The following PDE3A variants were observed in gnomAD, a reference collection of about 807,000 sequenced individuals.
The protein encoded by PDE3A is cGMP-inhibited 3',5'-cyclic phosphodiesterase 3A.
PDE3A carries 43 observed loss-of-function variants against 98.3 expected under a neutral mutation model. That is an observed-to-expected ratio of 0.44 (90% CI 0.34 to 0.56). The LOEUF (loss-of-function observed/expected upper bound fraction) is 0.56, where lower values mean the gene tolerates loss of function less well. PDE3A is among the 20% of genes least tolerant of loss of function. The probability of loss-of-function intolerance (pLI) is 0.01; values close to 1 mark genes in which losing one functional copy is unlikely to be tolerated. For missense variants in PDE3A, 1,427 were observed against 1,440.7 expected, an observed-to-expected ratio of 0.99 and a Z score of 0.15; for synonymous variants, 663 against 567.9, an observed-to-expected ratio of 1.17 and a Z score of -2.38.
intron 15 of PDE3A, among the ~76,000 whole-genome samples, chr12:20,672,487 G>T (rs1047710161): frequency 6.6e-6 from 1 of 151,722 alleles, no homozygotes; most frequent in Non-Finnish European, 1.5e-5. Context: ...CATGGTACTG[G>T]TACCAAAACA....
At chr12:20,530,229 C>T (rs1450507147) in intron 1 of PDE3A, among the ~76,000 whole-genome samples, 1 of 152,128 alleles carries the variant, frequency 6.6e-6, no homozygotes, top group African/African-American at 2.4e-5. Context: ...AGCGTAAACA[C>T]TCAAACTATA....
chr12:20,401,712 C>G (rs934287627), intron 1 of PDE3A, among the ~76,000 whole-genome samples: 1 of 152,146 alleles, frequency 6.6e-6, no homozygotes, highest in Admixed American at 6.5e-5. Context: ...CTCCATAGCG[C>G]TGTATCTATT....
intron 1 of PDE3A, among the ~76,000 whole-genome samples, chr12:20,477,304 A>G (rs1243642325): frequency 1.3e-5 from 2 of 152,254 alleles, no homozygotes; most frequent in Admixed American, 6.5e-5. Flanking sequence ...ATATTTTACC[A>G]TAAGTACTTC....
intron 1 of PDE3A, among the ~76,000 whole-genome samples, chr12:20,526,122 C>T: frequency 6.6e-6 from 1 of 152,158 alleles, no homozygotes; most frequent in East Asian, 1.9e-4. Context: ...TTGTTTGAGA[C>T]CTCTGTGGTG....
At chr12:20,530,616 T>C (rs764271987) in intron 1 of PDE3A, among the ~76,000 whole-genome samples, 2 of 152,034 alleles carry the variant, frequency 1.3e-5, no homozygotes, top group Non-Finnish European at 2.9e-5. Flanking sequence ...TATAGGTGTA[T>C]GCCATCACGC....
chr12:20,551,691 C>T (rs1942205729), intron 1 of PDE3A: 18 of 1,611,356 alleles, frequency 1.1e-5, no homozygotes, highest in Non-Finnish European at 1.4e-5. Context: ...GTGTTCCCAG[C>T]GAGGACGAGT....
Position 20,422,073 on chromosome 12 carries a change from G to A in PDE3A, c.960+51829G>A, listed in dbSNP as rs140233811. 3.3e-4 allele frequency among the ~76,000 whole-genome samples: 50 copies of A among 152,304 alleles called. 2 individuals carry two copies. The East Asian group carries it at 7.9e-3, about 24-fold the overall frequency. On this transcript the variant is annotated intron_variant, in intron 1 of 15. Transcript: ENST00000359062. ...AAAATTTTAGGGCGGCAGGCCGGGCGCAATGGCTCACGCCTGTAATCCTAG... is the reference window on the plus strand; with the variant it reads ...AAAATTTTAGGGCGGCAGGCCGGGCACAATGGCTCACGCCTGTAATCCTAG...
At chr12:20,408,078 G>C (rs944802950) in intron 1 of PDE3A, among the ~76,000 whole-genome samples, 1 of 151,864 alleles carries the variant, frequency 6.6e-6, no homozygotes, top group Admixed American at 6.6e-5. Context: ...GCGCCACCAC[G>C]CCCAGCTAAT....
At chr12:20,561,670 G>T (rs991224166) in intron 2 of PDE3A, among the ~76,000 whole-genome samples, 3 of 151,966 alleles carry the variant, frequency 2.0e-5, no homozygotes, top group Non-Finnish European at 4.4e-5. Context: ...ATAGAGTTAA[G>T]CTTCCCCTGG....
Position 20,671,482 on chromosome 12 carries a change from A to G in PDE3A, c.3185-8548A>G, listed in dbSNP as rs1335634154. 5.0e-5 allele frequency among the ~76,000 whole-genome samples: 5 copies of G among 100,228 alleles called. No individual in the cohort carries two copies. In the South Asian group the frequency reaches 1.4e-3, roughly 28 times the overall value. The allele number at this position is 100,228 out of a possible 152,430, so 65.8% of individuals were successfully genotyped here. On this transcript the variant is annotated intron_variant, in intron 15 of 15. Coordinates refer to ENST00000359062, the MANE Select transcript of PDE3A (RefSeq NM_000921.5). ...ACTGGCAAACTGAATCCAGCAGCACATCAAAAAGCTTATCCACAATGATCA... is the reference window on the plus strand; with the variant it reads ...ACTGGCAAACTGAATCCAGCAGCACGTCAAAAAGCTTATCCACAATGATCA...
chr12:20,566,355 G>T (rs1942655324), intron 2 of PDE3A, among the ~76,000 whole-genome samples: 1 of 151,900 alleles, frequency 6.6e-6, no homozygotes, highest in South Asian at 2.1e-4. Flanking sequence ...GAGTTCTGTG[G>T]TGTTGTGTTT....
At chr12:20,638,829 C>T (rs1944579381) in intron 9 of PDE3A, among the ~76,000 whole-genome samples, 1 of 151,962 alleles carries the variant, frequency 6.6e-6, no homozygotes, top group Admixed American at 6.6e-5. Context: ...CTCTCGAAAA[C>T]TTAATCTTCA....
intron 2 of PDE3A, among the ~76,000 whole-genome samples, chr12:20,589,875 A>G (rs1288304912): frequency 6.6e-6 from 1 of 151,672 alleles, no homozygotes. Flanking sequence ...TCTTAAAAAA[A>G]AAAAAAAAAA....
At chr12:20,417,365 T>G (rs1193420519) in intron 1 of PDE3A, among the ~76,000 whole-genome samples, 1 of 152,214 alleles carries the variant, frequency 6.6e-6, no homozygotes, top group African/African-American at 2.4e-5. Flanking sequence ...GGAAACAGAT[T>G]AGCAAGTCCC....
chr12:20,614,604 A>G (rs1206455801), intron 3 of PDE3A, among the ~76,000 whole-genome samples: 1 of 152,176 alleles, frequency 6.6e-6, no homozygotes, highest in African/African-American at 2.4e-5. Context: ...ATATGATAGT[A>G]AGGAAATGGA....
At chr12:20,541,019 A>G (rs1267782931) in intron 1 of PDE3A, among the ~76,000 whole-genome samples, 1 of 150,936 alleles carries the variant, frequency 6.6e-6, no homozygotes, top group Non-Finnish European at 1.5e-5. Context: ...CAAAAAACCA[A>G]GTATCCTATT....
chr12:20,667,623 C>T (rs571804606), intron 15 of PDE3A, among the ~76,000 whole-genome samples: 26 of 152,208 alleles, frequency 1.7e-4, no homozygotes, highest in African/African-American at 4.8e-4. Context: ...TTTTATTGGT[C>T]TATATGTCCA....
At chr12:20,542,556 T>C (rs1490866600) in intron 1 of PDE3A, among the ~76,000 whole-genome samples, 1 of 152,040 alleles carries the variant, frequency 6.6e-6, no homozygotes, top group East Asian at 1.9e-4. Context: ...TTTATGTTTT[T>C]CAGCACGTAA....
chr12:20,495,912 A>G (rs1320696973), intron 1 of PDE3A, among the ~76,000 whole-genome samples: 1 of 152,220 alleles, frequency 6.6e-6, no homozygotes, highest in Non-Finnish European at 1.5e-5. Flanking sequence ...TTCATCAAAA[A>G]GAGAGAGGAG....
Sources: gnomAD v4.1 joint callset for allele counts (sites outside exome capture counted in the v4.1 genomes callset) on GRCh38, gnomAD v4.1.1 for gene constraint, MANE v1.5 for transcripts, NCBI Gene and HGNC (gene_info 2026-07-23, HGNC 2026-07-21) for gene names.